CPNE4: variants seen among roughly 807,000 people sequenced by gnomAD.
CPNE4 encodes the protein copine 4.
Under a neutral mutation model 67.9 loss-of-function variants are expected in CPNE4, and 25 were observed. The observed-to-expected ratio is 0.37, with a 90% CI of 0.27 to 0.51. The LOEUF (loss-of-function observed/expected upper bound fraction) is 0.51, where lower values mean the gene tolerates loss of function less well. Among genes scored for constraint, CPNE4 ranks in the 20% least tolerant of loss-of-function variants. CPNE4 has a pLI of 0.93. For synonymous variants in CPNE4, 242 were observed against 244.9 expected (o/e 0.99, Z 0.11); for missense variants, 464 against 690.8 (o/e 0.67, Z 3.68).
chr3:131,938,121 G>A (rs562299687), intron 1 of CPNE4, among the ~76,000 whole-genome samples: 121 of 152,172 alleles, frequency 8.0e-4, no homozygotes, highest in Non-Finnish European at 1.2e-3. Flanking sequence ...ACTTTGTGAG[G>A]CCAAGGTTGG....
intron 1 of CPNE4, among the ~76,000 whole-genome samples, chr3:131,927,426 A>C (rs115425924): frequency 8.2e-6 from 1 of 121,590 alleles, no homozygotes; most frequent in Non-Finnish European, 1.9e-5. Flanking sequence ...TTTCCTTCCT[A>C]CCACTACAAA....
At chr3:131,680,133 G>T (rs1305992486) in intron 6 of CPNE4, among the ~76,000 whole-genome samples, 1 of 152,084 alleles carries the variant, frequency 6.6e-6, no homozygotes, top group Admixed American at 6.6e-5. Flanking sequence ...TACATATTTA[G>T]GATAGTTAGC....
intron 2 of CPNE4, among the ~76,000 whole-genome samples, chr3:131,877,867 G>C (rs761084111): frequency 6.6e-6 from 1 of 152,134 alleles, no homozygotes; most frequent in Non-Finnish European, 1.5e-5. Context: ...CATATACCCA[G>C]CAAATATATA....
chr3:131,653,303 C>A (rs965683119), intron 7 of CPNE4, among the ~76,000 whole-genome samples: 1 of 150,844 alleles, frequency 6.6e-6, no homozygotes, highest in African/African-American at 2.5e-5. Context: ...TGCCACCACG[C>A]CTGGCTAATT....
chr3:131,809,920 A>G (rs1394223942), intron 2 of CPNE4, among the ~76,000 whole-genome samples: 1 of 152,110 alleles, frequency 6.6e-6, no homozygotes, highest in Non-Finnish European at 1.5e-5. Flanking sequence ...GCAATACACA[A>G]GAAAAAGAAT....
chr3:131,801,355 CA>C lies in CPNE4; in HGVS notation c.181-77731del, dbSNP rs113042308. 3.2e-4 allele frequency among the ~76,000 whole-genome samples: 29 copies of C among 89,776 alleles called. 1 individual carries two copies. Among genetic ancestry groups the C allele is most frequent in the African/African-American group, 4.1e-4 (12 of 29,528 alleles). 58.9% of individuals were successfully genotyped at this position (89,776 alleles called of 152,430 possible). A position where few individuals can be genotyped will look rare whatever the true frequency, so the allele number is the denominator to read the frequency against. The stretch of plus-strand genomic sequence containing the variant: ...ACCATACATATATATATATATGTAC[CA>C]TATATATATATGTACCATATATATA... On this transcript the variant is annotated intron_variant, in intron 2 of 15. Transcript: ENST00000429747.
In CPNE4 at chr3:131,763,710, T is replaced by C. The variant is rs548913243; in HGVS notation, c.181-40085A>G. ...AGGAATAAATAGTATTCTCCTACAC[T>C]GTGTAGGGGATATATTTTTTGGAGG... is the stretch of plus-strand genomic sequence containing the variant. On this transcript the variant is annotated intron_variant, in intron 2 of 15. Coordinates refer to ENST00000429747, the MANE Select transcript of CPNE4 (RefSeq NM_130808.3). 1.9e-4 allele frequency among the ~76,000 whole-genome samples: 29 copies of C among 152,148 alleles called. No individual in the cohort carries two copies. The South Asian group carries it at 5.8e-3, about 30-fold the overall frequency.
intron 4 of CPNE4, among the ~76,000 whole-genome samples, chr3:131,697,377 T>C (rs1262411549): frequency 2.0e-5 from 3 of 152,146 alleles, no homozygotes; most frequent in African/African-American, 7.2e-5. Context: ...ATGTTAGGAT[T>C]TACCATGTAT....
intron 8 of CPNE4, 75 bp from the exon 9 acceptor site, chr3:131,581,740 G>T (rs1027000016): frequency 3.5e-5 from 36 of 1,022,268 alleles, no homozygotes; most frequent in Non-Finnish European, 5.6e-5. Flanking sequence ...GCTCCTAGGT[G>T]CTGCTGAGGA....
Position 132,035,010 on chromosome 3 carries a change from C to T in CPNE4, c.-445G>A. The T allele has an allele frequency of 1.0e-6, 1 of 985,396 alleles. No individual in the cohort carries two copies. The highest frequency in any genetic ancestry group is 1.2e-6 in the Non-Finnish European group (1 of 829,984). The allele number at this position is 985,396 out of a possible 1,614,324, so 61.0% of individuals were successfully genotyped here. A position where few individuals can be genotyped will look rare whatever the true frequency, so the allele number is the denominator to read the frequency against. On this transcript the variant is annotated 5_prime_UTR_variant, in exon 1 of 16. Coordinates refer to ENST00000429747, the MANE Select transcript of CPNE4 (RefSeq NM_130808.3). ...CTTCTCACAGAGAGATTTCCACCTT[C>T]TGACGAATCCCATGCACCCAGCAAC...
At chr3:131,746,289 A>G (rs10470436) in intron 2 of CPNE4, among the ~76,000 whole-genome samples, 146,815 of 152,172 alleles carry the variant, frequency 0.96, 70,986 homozygotes, top group Non-Finnish European at 1. Flanking sequence ...CATTAAAATC[A>G]CTCTCTCTTA....
chr3:131,624,626 T>C (rs1461697670), intron 7 of CPNE4, among the ~76,000 whole-genome samples: 1 of 152,172 alleles, frequency 6.6e-6, no homozygotes, highest in Admixed American at 6.5e-5. Flanking sequence ...GAACTTACTA[T>C]ACATTGAGTT....
intron 12 of CPNE4, among the ~76,000 whole-genome samples, chr3:131,554,193 T>G (rs1356707239): frequency 6.6e-6 from 1 of 152,024 alleles, no homozygotes; most frequent in Non-Finnish European, 1.5e-5. Context: ...AGCAGCTCTA[T>G]GAAGAAAGTG....
rs529547779 is a variant in CPNE4 at position 131,707,378 on chromosome 3, C to T, written c.361-7398G>A. 6.6e-5 allele frequency among the ~76,000 whole-genome samples: 10 copies of T among 152,252 alleles called. No homozygotes were observed. The South Asian group carries it at 1.0e-3, about 16-fold the overall frequency. On this transcript the variant is annotated intron_variant, in intron 3 of 15. Transcript: ENST00000429747. ...TTTCTCTTCTGTCTCTCCTCTGTGT[C>T]GCTAGAATTGGGGCCCACCTGGTTA... is the stretch of plus-strand genomic sequence containing the variant.
chr3:131,785,647 C>G (rs968322517), intron 2 of CPNE4, among the ~76,000 whole-genome samples: 1 of 142,566 alleles, frequency 7.0e-6, no homozygotes, highest in Non-Finnish European at 1.5e-5. Flanking sequence ...CATCTGCCAG[C>G]ACTCTCTCTC....
intron 2 of CPNE4, among the ~76,000 whole-genome samples, chr3:131,804,287 A>G (rs1400033575): frequency 2.0e-5 from 3 of 152,040 alleles, no homozygotes; most frequent in African/African-American, 7.2e-5. Context: ...GATTTCAGAC[A>G]CAAGAAATTG....
chr3:131,932,032 T>C (rs1583471482), intron 1 of CPNE4, among the ~76,000 whole-genome samples: 1 of 152,170 alleles, frequency 6.6e-6, no homozygotes, highest in African/African-American at 2.4e-5. Context: ...AAAGGCAATG[T>C]TTCCCATGCA....
chr3:131,573,354 G>A (rs1007229528), intron 10 of CPNE4, among the ~76,000 whole-genome samples: 2 of 152,130 alleles, frequency 1.3e-5, no homozygotes, highest in African/African-American at 2.4e-5. Flanking sequence ...AAACACTGAA[G>A]TGGTACTCTC....
chr3:131,906,500 G>T (rs1028740940), intron 1 of CPNE4, among the ~76,000 whole-genome samples: 1 of 149,508 alleles, frequency 6.7e-6, no homozygotes, highest in Non-Finnish European at 1.5e-5. Flanking sequence ...AGAACACGCG[G>T]TGTTTGGTTT....
Sources: allele counts gnomAD v4.1 joint callset (sites outside exome capture counted in the v4.1 genomes callset), GRCh38; gene constraint gnomAD v4.1.1; transcripts MANE v1.5; gene names NCBI Gene and HGNC (gene_info 2026-07-23, HGNC 2026-07-21).